The following TANC1 variants were observed in gnomAD, a reference collection of about 807,000 sequenced individuals.
TANC1 encodes tetratricopeptide repeat, ankyrin repeat and coiled-coil containing 1, also known as protein TANC1.
Under a neutral mutation model 149.7 loss-of-function variants are expected in TANC1, and 77 were observed. The observed-to-expected ratio is 0.51, with a 90% CI of 0.43 to 0.62. The LOEUF (loss-of-function observed/expected upper bound fraction) is 0.62. Among genes scored for constraint, TANC1 ranks in the 20% least tolerant of loss-of-function variants. The pLI is 0.00. For missense variants in TANC1, 1,985 were observed against 2,321.8 expected, an observed-to-expected ratio of 0.85 and a Z score of 2.98; for synonymous variants, 854 against 925.0, an observed-to-expected ratio of 0.92 and a Z score of 1.39.
At chr2:159,114,092 G>A (rs908710805) in intron 4 of TANC1, among the ~76,000 whole-genome samples, 1 of 152,308 alleles carries the variant, frequency 6.6e-6, no homozygotes, top group African/African-American at 2.4e-5. Context: ...TCCTATTGTA[G>A]CTTTTATTAA....
At chr2:159,141,553 G>A (rs67700513) in intron 5 of TANC1, among the ~76,000 whole-genome samples, 37,475 of 152,072 alleles carry the variant, frequency 0.25, 4,873 homozygotes, top group East Asian at 0.43. Flanking sequence ...AGCAGGGACT[G>A]TGTTTTGGTT....
chr2:159,018,461 T>A (rs919014331), intron 2 of TANC1, among the ~76,000 whole-genome samples: 1 of 150,620 alleles, frequency 6.6e-6, no homozygotes, highest in African/African-American at 2.5e-5. Context: ...GCTACAGTAA[T>A]TCTTTTTTTA....
intron 1 of TANC1, among the ~76,000 whole-genome samples, chr2:158,997,946 T>C (rs2036281466): frequency 6.6e-6 from 1 of 152,174 alleles, no homozygotes; most frequent in East Asian, 1.9e-4. Flanking sequence ...TGGAGAAACC[T>C]GCCAGCACTA....
chr2:159,143,062 C>CAAAAA (rs70994269), intron 5 of TANC1, among the ~76,000 whole-genome samples: 19 of 87,348 alleles, frequency 2.2e-4, no homozygotes, highest in Non-Finnish European at 2.8e-4. Flanking sequence ...GACTCTGTCT[C>CAAAAA]AAAAAAAAAA....
intron 19 of TANC1, among the ~76,000 whole-genome samples, chr2:159,203,719 A>C (rs1473519822): frequency 6.7e-6 from 1 of 148,222 alleles, no homozygotes; most frequent in African/African-American, 2.5e-5. Context: ...GGCATGAGCC[A>C]CCACACCTGG....
intron 3 of TANC1, among the ~76,000 whole-genome samples, chr2:159,079,284 G>C (rs1405224546): frequency 1.3e-5 from 2 of 149,512 alleles, no homozygotes; most frequent in Non-Finnish European, 3.0e-5. Flanking sequence ...TCCTGCCTTA[G>C]CATCCCTAGT....
chr2:159,156,141 G>C (rs991432468), intron 7 of TANC1, among the ~76,000 whole-genome samples: 4 of 152,150 alleles, frequency 2.6e-5, no homozygotes, highest in Admixed American at 6.5e-5. Context: ...GTTGCCACCT[G>C]TATCGCCCTG....
intron 2 of TANC1, among the ~76,000 whole-genome samples, chr2:159,042,719 T>C (rs148304821): frequency 2.0e-5 from 3 of 151,954 alleles, no homozygotes; most frequent in African/African-American, 7.2e-5. Flanking sequence ...GGAGGATGAC[T>C]AATTTCCAGA....
At chr2:159,210,823 G>T (rs2058934677) in intron 19 of TANC1, among the ~76,000 whole-genome samples, 1 of 151,444 alleles carries the variant, frequency 6.6e-6, no homozygotes, top group Non-Finnish European at 1.5e-5. Flanking sequence ...TGCACGCCTC[G>T]GCCTCCCAAA....
chr2:159,194,781 C>T (rs1411426133), intron 17 of TANC1, among the ~76,000 whole-genome samples: 1 of 152,206 alleles, frequency 6.6e-6, no homozygotes, highest in Non-Finnish European at 1.5e-5. Context: ...CTGCAAGTAT[C>T]GATCTAGAAA....
At chr2:159,217,717 C>T in intron 20 of TANC1, 87 bp downstream of exon 20, 1 of 1,505,534 alleles carries the variant, frequency 6.6e-7, no homozygotes, top group Admixed American at 1.8e-5. Context: ...CACAATGCAG[C>T]TCCCCTGAGC....
intron 13 of TANC1, 24 bp from the exon 14 acceptor site, chr2:159,178,531 TG>T (rs767032728): frequency 3.9e-6 from 6 of 1,535,700 alleles, no homozygotes; most frequent in Non-Finnish European, 5.2e-6. Context: ...AGAGTGACAC[TG>T]TGGGTTTTTG....
intron 2 of TANC1, among the ~76,000 whole-genome samples, chr2:159,037,963 A>G (rs1362745051): frequency 6.6e-6 from 1 of 152,108 alleles, no homozygotes; most frequent in Non-Finnish European, 1.5e-5. Context: ...CCATTTTCAC[A>G]ATATTGATTC....
At position 159,036,512 on chromosome 2, in the gene TANC1, C is replaced by T. The variant is rs554409323; in HGVS notation, c.-15-29384C>T. 2.0e-5 allele frequency among the ~76,000 whole-genome samples: 3 copies of T among 152,232 alleles called. No individual in the cohort carries two copies. The South Asian group carries it at 6.2e-4, about 32-fold the overall frequency. The stretch of plus-strand genomic sequence containing the variant: ...CTCCTAATGCCATCCCTCCCCCATC[C>T]TCCCACCCCATGACAGGCCCTCGTG... On this transcript the variant is annotated intron_variant, in intron 2 of 26. Transcript: ENST00000263635.
intron 10 of TANC1, among the ~76,000 whole-genome samples, chr2:159,171,856 TAAAAAAA>T (rs1167819599): frequency 5.9e-5 from 1 of 16,886 alleles, no homozygotes; most frequent in African/African-American, 2.2e-4. Context: ...GACTCCGCCT[TAAAAAAA>T]AAAAAAAAAA....
intron 2 of TANC1, among the ~76,000 whole-genome samples, chr2:159,019,653 GTTTTTTTTTTTTTTTTT>G (rs55746240): frequency 4.1e-4 from 30 of 73,308 alleles, no homozygotes; most frequent in African/African-American, 1.6e-3. Flanking sequence ...CTTTCTTTCT[GTTTTTTTTTTTTTTTTT>G]TTTTTTTTTT....
intron 11 of TANC1, among the ~76,000 whole-genome samples, chr2:159,174,232 G>C (rs1022455121): frequency 1.1e-4 from 17 of 152,088 alleles, no homozygotes; most frequent in African/African-American, 3.9e-4. Flanking sequence ...CTTTCGTGGG[G>C]TCCCTCTCAC....
At chr2:159,114,587 G>A (rs941795563) in intron 4 of TANC1, among the ~76,000 whole-genome samples, 7 of 152,224 alleles carry the variant, frequency 4.6e-5, no homozygotes, top group East Asian at 3.9e-4. Flanking sequence ...ATGTTTCCCC[G>A]AAATGAGCAA....
intron 7 of TANC1, among the ~76,000 whole-genome samples, chr2:159,156,264 C>A (rs1480730270): frequency 4.6e-5 from 7 of 152,122 alleles, no homozygotes. Context: ...TAAAATCATC[C>A]TTAATTATAG....
Sources: allele counts gnomAD v4.1 joint callset (sites outside exome capture counted in the v4.1 genomes callset), GRCh38; gene constraint gnomAD v4.1.1; transcripts MANE v1.5; gene names NCBI Gene and HGNC (gene_info 2026-07-23, HGNC 2026-07-21).